The following CALN1 variants were observed in gnomAD, a reference collection of about 807,000 sequenced individuals.
The protein encoded by CALN1 is calneuron 1.
CALN1 carries 17 observed loss-of-function variants against 30.6 expected under a neutral mutation model. The ratio of observed to expected loss-of-function variants is 0.56; its 90% CI spans 0.38 to 0.83. The LOEUF (loss-of-function observed/expected upper bound fraction) is 0.83. Among genes scored for constraint, CALN1 ranks in the 40% least tolerant of loss-of-function variants. The probability of loss-of-function intolerance (pLI) is 0.00; values close to 1 mark genes in which losing one functional copy is unlikely to be tolerated. For synonymous variants in CALN1, 156 were observed against 131.4 expected (o/e 1.19, Z -1.28); for missense variants, 291 against 354.9 (o/e 0.82, Z 1.45).
At chr7:71,997,286 A>C (rs986755313) in intron 5 of CALN1, among the ~76,000 whole-genome samples, 2 of 152,172 alleles carry the variant, frequency 1.3e-5, no homozygotes, top group African/African-American at 4.8e-5. Flanking sequence ...GGAAATTACA[A>C]AACTGAAAAA....
At chr7:72,316,159 G>GAA (rs755074393) in intron 2 of CALN1, among the ~76,000 whole-genome samples, 1 of 48,782 alleles carries the variant, frequency 2.0e-5, no homozygotes, top group Non-Finnish European at 8.4e-5. Context: ...AAAAAAGAAA[G>GAA]AAAGAAAAAA....
chr7:71,871,165 T>C (rs755323157), intron 5 of CALN1, among the ~76,000 whole-genome samples: 5 of 152,162 alleles, frequency 3.3e-5, no homozygotes, highest in African/African-American at 1.2e-4. Flanking sequence ...GAAATGTAAA[T>C]ATTGTAGCTA....
intron 2 of CALN1, among the ~76,000 whole-genome samples, chr7:72,324,561 TTTATTTATTTA>T (rs775190368): frequency 0.12 from 1,824 of 15,282 alleles, 34 homozygotes; most frequent in Middle Eastern, 0.25. Flanking sequence ...AATGATGTAA[TTTATTTATTTA>T]TTTATTTATT....
chr7:72,393,146 C>CT (rs1805685041), intron 2 of CALN1, among the ~76,000 whole-genome samples: 2 of 152,200 alleles, frequency 1.3e-5, no homozygotes, highest in South Asian at 2.1e-4. Flanking sequence ...CAAGAACCAT[C>CT]TTTAAAGTCC....
chr7:72,396,250 A>G (rs1160817216), intron 2 of CALN1, among the ~76,000 whole-genome samples: 24 of 100,272 alleles, frequency 2.4e-4, no homozygotes, highest in African/African-American at 1.0e-3. Context: ...AAAAAAAAAA[A>G]AAAAAAAGAA....
chr7:72,249,946 CA>C (rs386410444), intron 3 of CALN1, among the ~76,000 whole-genome samples: 4,799 of 117,212 alleles, frequency 0.041, 122 homozygotes, highest in Non-Finnish European at 0.059. Context: ...CAAAACAAAC[CA>C]AAAAAAAAAA....
chr7:72,209,037 T>TCG (rs1792120212), intron 3 of CALN1, among the ~76,000 whole-genome samples: 1 of 5,168 alleles, frequency 1.9e-4, no homozygotes, highest in Non-Finnish European at 3.9e-4. Flanking sequence ...TCCTTCCTTC[T>TCG]CTCTCTCCTT....
intron 5 of CALN1, among the ~76,000 whole-genome samples, chr7:71,857,054 G>GTGTGTGTGT: frequency 6.8e-6 from 1 of 146,934 alleles, no homozygotes; most frequent in Non-Finnish European, 1.5e-5. Context: ...GTGTGTGTGT[G>GTGTGTGTGT]TGTGTTGCAA....
intron 2 of CALN1, among the ~76,000 whole-genome samples, chr7:72,392,232 A>G (rs534108921): frequency 2.6e-5 from 4 of 152,296 alleles, no homozygotes; most frequent in South Asian, 4.1e-4. Context: ...GTCAGCCCCC[A>G]GCCATCTGCG....
chr7:72,304,982 G>A (rs1227769564), intron 2 of CALN1, among the ~76,000 whole-genome samples: 1 of 152,202 alleles, frequency 6.6e-6, no homozygotes, highest in Non-Finnish European at 1.5e-5. Flanking sequence ...TAAGGCCCCA[G>A]GAAGCCCTCA....
intron 4 of CALN1, among the ~76,000 whole-genome samples, chr7:72,090,423 AAAT>A (rs1198510514): frequency 2.6e-5 from 4 of 152,332 alleles, no homozygotes; most frequent in East Asian, 1.9e-4. Context: ...AAATACAATA[AAAT>A]ATTATAATGA....
At chr7:71,952,816 C>T (rs1013963750) in intron 5 of CALN1, among the ~76,000 whole-genome samples, 5 of 152,170 alleles carry the variant, frequency 3.3e-5, no homozygotes, top group Non-Finnish European at 5.9e-5. Flanking sequence ...ATCCTTCCTG[C>T]CTTCACATTC....
chr7:71,860,261 C>CA (rs545148138), intron 5 of CALN1, among the ~76,000 whole-genome samples: 7 of 150,448 alleles, frequency 4.7e-5, no homozygotes, highest in Non-Finnish European at 1.0e-4. Context: ...GGGGTGATCT[C>CA]AGCTCTCTGC....
chr7:72,346,618 C>T (rs1052145258), intron 2 of CALN1, among the ~76,000 whole-genome samples: 11 of 152,072 alleles, frequency 7.2e-5, no homozygotes, highest in Admixed American at 3.3e-4. Flanking sequence ...CAGGTTCAAG[C>T]GATTCTCCTG....
intron 3 of CALN1, among the ~76,000 whole-genome samples, chr7:72,118,882 G>C (rs926681634): frequency 6.6e-6 from 1 of 152,178 alleles, no homozygotes; most frequent in African/African-American, 2.4e-5. Flanking sequence ...ACAGCTGCAA[G>C]TCCAGAGGAT....
At chr7:72,261,136 A>G (rs935296424) in intron 3 of CALN1, among the ~76,000 whole-genome samples, 1 of 152,092 alleles carries the variant, frequency 6.6e-6, no homozygotes, top group Non-Finnish European at 1.5e-5. Context: ...AGTGAAACCC[A>G]TCTCTACAAA....
At chr7:72,418,070 G>A (rs954277160) in intron 1 of CALN1, among the ~76,000 whole-genome samples, 2 of 152,168 alleles carry the variant, frequency 1.3e-5, no homozygotes, top group Admixed American at 1.3e-4. Context: ...CATCCAGGTA[G>A]CAAGCATAGT....
chr7:71,817,092 A>G (rs1169010049), intron 5 of CALN1, among the ~76,000 whole-genome samples: 1 of 151,986 alleles, frequency 6.6e-6, no homozygotes, highest in East Asian at 1.9e-4. Context: ...TATATTGTCA[A>G]TATCTGTCTT....
At position 71,795,994 on chromosome 7, in the gene CALN1, A is replaced by ATT. The variant is rs35000438; in HGVS notation, c.659-8094_659-8093dup. The stretch of plus-strand genomic sequence containing the variant: ...CCACCACACCCGGCTAATTTTTTGC[A>ATT]TTTTTTTTTTTTAGCAGAGATGAGA... On this transcript the variant is annotated intron_variant, in intron 6 of 6. Transcript: ENST00000395275. Among the ~76,000 whole-genome samples, 788 of 140,780 alleles carry ATT rather than the reference A, an allele frequency of 5.6e-3. 8 individuals carry two copies. Among genetic ancestry groups the ATT allele is most frequent in the African/African-American group, 0.018 (708 of 38,648 alleles). 92.4% of individuals were successfully genotyped at this position (140,780 alleles called of 152,430 possible). A position where few individuals can be genotyped will look rare whatever the true frequency, so the allele number is the denominator to read the frequency against.
Sources: allele counts gnomAD v4.1 joint callset (sites outside exome capture counted in the v4.1 genomes callset), GRCh38; gene constraint gnomAD v4.1.1; transcripts MANE v1.5; gene names NCBI Gene and HGNC (gene_info 2026-07-23, HGNC 2026-07-21).